The following GRK3 variants were observed in gnomAD, a reference collection of about 807,000 sequenced individuals.
GRK3 encodes the protein G protein-coupled receptor kinase 3.
A neutral mutation model predicts 95.7 loss-of-function variants in GRK3; 54 were observed. The observed-to-expected ratio is 0.56, with a 90% CI of 0.45 to 0.71. GRK3 has a LOEUF of 0.71. Among genes scored for constraint, GRK3 ranks in the 30% least tolerant of loss-of-function variants. The pLI, the probability that GRK3 is intolerant of heterozygous loss-of-function variation, is 0.00. For synonymous variants in GRK3, 281 were observed against 290.8 expected (o/e 0.97, Z 0.34); for missense variants, 649 against 851.2 (o/e 0.76, Z 2.96).
chr22:25,624,605 T>C (rs991502631), intron 2 of GRK3, among the ~76,000 whole-genome samples: 1 of 152,122 alleles, frequency 6.6e-6, no homozygotes, highest in African/African-American at 2.4e-5. Flanking sequence ...TTTCTGACTA[T>C]GAATAATCTC....
chr22:25,701,495 C>T (rs1883295), intron 13 of GRK3, among the ~76,000 whole-genome samples: 103 of 152,270 alleles, frequency 6.8e-4, no homozygotes, highest in Middle Eastern at 3.4e-3. Context: ...GACATGGAAT[C>T]GCTATATTTA....
At chr22:25,673,008 ATTTTTTTTTT>A (rs3884806) in intron 7 of GRK3, among the ~76,000 whole-genome samples, 1 of 110,520 alleles carries the variant, frequency 9.0e-6, no homozygotes, top group Non-Finnish European at 1.8e-5. Context: ...ATCAACCGGA[ATTTTTTTTTT>A]TTTTTTTTTT....
intron 2 of GRK3, among the ~76,000 whole-genome samples, chr22:25,606,088 C>T (rs951253822): frequency 2.4e-4 from 37 of 152,188 alleles, no homozygotes; most frequent in South Asian, 4.1e-4. Flanking sequence ...CTGACCCTGG[C>T]ACCGGGAGAC....
intron 2 of GRK3, among the ~76,000 whole-genome samples, chr22:25,615,902 A>T (rs1321120543): frequency 6.8e-6 from 1 of 147,786 alleles, no homozygotes. Flanking sequence ...CTGTGGATTT[A>T]TCTGGGGGAA....
chr22:25,566,301 C>A (rs1281971972), intron 1 of GRK3, among the ~76,000 whole-genome samples: 1 of 152,162 alleles, frequency 6.6e-6, no homozygotes, highest in African/African-American at 2.4e-5. Context: ...AAGTTATTGT[C>A]CATTTGAAAT....
At chr22:25,678,738 C>A in intron 8 of GRK3, 78 bp from the exon 9 acceptor site, 19 of 769,942 alleles carry the variant, frequency 2.5e-5, no homozygotes. Flanking sequence ...CAGAAACTTG[C>A]CCCAGAGTGA....
intron 2 of GRK3, among the ~76,000 whole-genome samples, chr22:25,616,537 A>G (rs1262960928): frequency 3.3e-5 from 5 of 152,116 alleles, no homozygotes; most frequent in Non-Finnish European, 5.9e-5. Context: ...CTCCTTCAAC[A>G]TTGGGGATTA....
intron 10 of GRK3, among the ~76,000 whole-genome samples, chr22:25,686,507 A>G (rs563425866): frequency 2.2e-4 from 33 of 152,296 alleles, no homozygotes; most frequent in Middle Eastern, 6.8e-3. Context: ...GTGGTTTTAC[A>G]GGAATATGTG....
chr22:25,615,434 G>C (rs1361603052), intron 2 of GRK3, among the ~76,000 whole-genome samples: 2 of 152,096 alleles, frequency 1.3e-5, no homozygotes, highest in Non-Finnish European at 2.9e-5. Context: ...ATATCTTCTG[G>C]TTTTAGATTT....
At chr22:25,567,800 A>G (rs1931543694) in intron 1 of GRK3, among the ~76,000 whole-genome samples, 1 of 152,198 alleles carries the variant, frequency 6.6e-6, no homozygotes, top group Non-Finnish European at 1.5e-5. Context: ...TGCCTTTCCC[A>G]CAGTTTTAAA....
chr22:25,664,393 T>C (rs1881079523), intron 5 of GRK3, among the ~76,000 whole-genome samples: 1 of 152,128 alleles, frequency 6.6e-6, no homozygotes, highest in African/African-American at 2.4e-5. Flanking sequence ...CATGTTTCTA[T>C]AAATTACAAG....
intron 13 of GRK3, among the ~76,000 whole-genome samples, chr22:25,695,686 CT>C (rs2085201965): frequency 1.3e-5 from 2 of 152,018 alleles, no homozygotes; most frequent in South Asian, 2.1e-4. Flanking sequence ...CAAGTTCTCT[CT>C]CTGTTGCCTG....
intron 1 of GRK3, among the ~76,000 whole-genome samples, chr22:25,599,453 G>A (rs1251958829): frequency 1.3e-5 from 2 of 151,864 alleles, no homozygotes; most frequent in Non-Finnish European, 2.9e-5. Context: ...TTAGCCGGGC[G>A]TGGTGGCGGG....
At chr22:25,721,481 T>TA (rs1318667998) in intron 20 of GRK3, 84 bp downstream of exon 20, 2 of 788,896 alleles carry the variant, frequency 2.5e-6, no homozygotes, top group Non-Finnish European at 4.2e-6. Context: ...AACATTTTCT[T>TA]ATGCCATGTT....
chr22:25,649,176 T>C, intron 3 of GRK3: 2 of 1,365,346 alleles, frequency 1.5e-6, no homozygotes, highest in Non-Finnish European at 2.1e-6. Context: ...TGTTCAGTCC[T>C]TCTTGGGAGA....
chr22:25,659,027 G>A (rs1178205017), intron 3 of GRK3, among the ~76,000 whole-genome samples: 1 of 152,096 alleles, frequency 6.6e-6, no homozygotes, highest in Non-Finnish European at 1.5e-5. Flanking sequence ...TCCAGACTTA[G>A]TCATCAGAAT....
intron 3 of GRK3, among the ~76,000 whole-genome samples, chr22:25,652,981 C>T (rs1053368915): frequency 6.6e-6 from 1 of 152,142 alleles, no homozygotes; most frequent in East Asian, 1.9e-4. Flanking sequence ...TGTAAGCATG[C>T]TCTGTGATGT....
At chr22:25,695,809 C>T (rs1351053179) in intron 13 of GRK3, among the ~76,000 whole-genome samples, 2 of 151,462 alleles carry the variant, frequency 1.3e-5, no homozygotes, top group African/African-American at 2.4e-5. Flanking sequence ...GCTGGGACTA[C>T]AGGCACACAC....
intron 3 of GRK3, among the ~76,000 whole-genome samples, chr22:25,647,038 A>AAAAAAG (rs1569178217): frequency 2.6e-5 from 4 of 151,172 alleles, no homozygotes; most frequent in East Asian, 3.9e-4. Flanking sequence ...AAAAAAAAAA[A>AAAAAAG]AAAAAGAAAA....
Sources: gnomAD v4.1 joint callset for allele counts (sites outside exome capture counted in the v4.1 genomes callset) on GRCh38, gnomAD v4.1.1 for gene constraint, MANE v1.5 for transcripts, NCBI Gene and HGNC (gene_info 2026-07-23, HGNC 2026-07-21) for gene names.